FNDC3B: variants seen among roughly 807,000 people sequenced by gnomAD.
FNDC3B encodes fibronectin type III domain-containing protein 3B.
FNDC3B carries 12 observed loss-of-function variants against 151.5 expected under a neutral mutation model. The ratio of observed to expected loss-of-function variants is 0.08; its 90% confidence interval spans 0.05 to 0.13. FNDC3B has a LOEUF of 0.13. Among genes scored for constraint, FNDC3B ranks in the 10% least tolerant of loss-of-function variants. FNDC3B has a pLI of 1.00. For synonymous variants in FNDC3B, 528 were observed against 549.0 expected (o/e 0.96, Z 0.54); for missense variants, 1,214 against 1,505.3 (o/e 0.81, Z 3.20).
rs1463342450 is a variant in FNDC3B, at chr3:172,328,773, T to C, written c.1255-179T>C. Among the ~76,000 whole-genome samples, 3 of 152,238 alleles carry C rather than the reference T, an allele frequency of 2.0e-5. No homozygotes were observed. The East Asian group carries it at 5.8e-4, about 29-fold the overall frequency. On this transcript the variant is annotated intron_variant, in intron 11 of 25. Transcript: ENST00000415807. ...CCTTTATGTTAGAGATGAGATTTCATTGTAGAATGCTTTATTTGCAACATG... is the reference window on the plus strand; with the variant it reads ...CCTTTATGTTAGAGATGAGATTTCACTGTAGAATGCTTTATTTGCAACATG...
intron 22 of FNDC3B, among the ~76,000 whole-genome samples, chr3:172,355,934 T>G (rs1734074646): frequency 6.6e-6 from 1 of 152,242 alleles, no homozygotes; most frequent in Admixed American, 6.5e-5. Context: ...TTCTCCATAC[T>G]GAGCAGTTAG....
At chr3:172,056,579 C>G (rs1477214774) in intron 1 of FNDC3B, among the ~76,000 whole-genome samples, 5 of 152,216 alleles carry the variant, frequency 3.3e-5, no homozygotes, top group Non-Finnish European at 5.9e-5. Flanking sequence ...TGCCCAGTCT[C>G]TCAGTGTCTT....
At position 172,042,669 on chromosome 3, in the gene FNDC3B, G is replaced by T. The variant is rs114601906; in HGVS notation, c.-29+2898G>T. Among the ~76,000 whole-genome samples the T allele has an allele frequency of 6.8e-4, 103 of 152,248 alleles. 1 individual carries two copies. The highest frequency in any genetic ancestry group is 2.4e-3 in the African/African-American group (98 of 41,526). On this transcript the variant is annotated intron_variant, in intron 1 of 25. Coordinates refer to ENST00000415807, the MANE Select transcript of FNDC3B (RefSeq NM_022763.4). ...AAGGGGATTGAGATTTACAGAGAGA[G>T]AGTAACTTGCATAAGATCACGTAGC...
At chr3:172,207,879 G>T (rs916637329) in intron 3 of FNDC3B, among the ~76,000 whole-genome samples, 2 of 152,148 alleles carry the variant, frequency 1.3e-5, no homozygotes, top group African/African-American at 2.4e-5. Context: ...TCCGAGAGAA[G>T]GAGGTTGCAG....
chr3:172,127,594 C>T (rs1720862126), intron 2 of FNDC3B, among the ~76,000 whole-genome samples: 1 of 152,134 alleles, frequency 6.6e-6, no homozygotes, highest in African/African-American at 2.4e-5. Flanking sequence ...ATAAAGTACC[C>T]TGCATCATGC....
At chr3:172,298,635 A>G in intron 8 of FNDC3B, 93 bp from the exon 9 acceptor site, 1 of 648,532 alleles carries the variant, frequency 1.5e-6, no homozygotes, top group Non-Finnish European at 2.7e-6. Context: ...TAGTTCATGA[A>G]TTATTGTCAG....
chr3:172,070,164 AATG>A (rs549102815), intron 1 of FNDC3B, among the ~76,000 whole-genome samples: 152 of 152,326 alleles, frequency 1.0e-3, no homozygotes, highest in African/African-American at 3.6e-3. Flanking sequence ...GCACTTTTGA[AATG>A]ATATGAACGT....
chr3:172,269,184 A>G (rs1194557387), intron 6 of FNDC3B, among the ~76,000 whole-genome samples: 1 of 152,250 alleles, frequency 6.6e-6, no homozygotes, highest in Non-Finnish European at 1.5e-5. Flanking sequence ...ACTTCAGACT[A>G]CAAAGAAATG....
chr3:172,311,252 G>C (rs796519787), intron 11 of FNDC3B, among the ~76,000 whole-genome samples: 1 of 152,198 alleles, frequency 6.6e-6, no homozygotes, highest in African/African-American at 2.4e-5. Flanking sequence ...CGCTTGGAAA[G>C]CATAATTTGC....
At chr3:172,184,263 C>T (rs1308156120) in intron 3 of FNDC3B, 1 of 152,278 alleles carries the variant, frequency 6.6e-6, no homozygotes, top group South Asian at 2.1e-4. Context: ...AATGAGCACT[C>T]ACCATGCCAG....
chr3:172,083,288 C>T (rs1718373679), intron 1 of FNDC3B, among the ~76,000 whole-genome samples: 1 of 152,338 alleles, frequency 6.6e-6, no homozygotes, highest in South Asian at 2.1e-4. Context: ...TATGTTGGTT[C>T]GTCCTTGCCT....
chr3:172,261,717 A>G (rs1472584806), intron 6 of FNDC3B, among the ~76,000 whole-genome samples: 4 of 152,228 alleles, frequency 2.6e-5, no homozygotes, highest in East Asian at 1.9e-4. Context: ...GGGTTTTGCC[A>G]TTACTGTTGT....
chr3:172,259,329 T>C (rs553401972), intron 6 of FNDC3B, among the ~76,000 whole-genome samples: 1 of 152,308 alleles, frequency 6.6e-6, no homozygotes, highest in East Asian at 1.9e-4. Context: ...AACTGGACAA[T>C]TAACATCGCC....
intron 6 of FNDC3B, among the ~76,000 whole-genome samples, chr3:172,280,910 A>G (rs1026514408): frequency 1.9e-4 from 29 of 149,724 alleles, no homozygotes; most frequent in African/African-American, 6.7e-4. Flanking sequence ...TTTTTTGAAA[A>G]AAACTATTTG....
intron 1 of FNDC3B, among the ~76,000 whole-genome samples, chr3:172,085,185 AAAGC>A (rs1490481725): frequency 5.9e-5 from 9 of 152,206 alleles, no homozygotes; most frequent in Admixed American, 3.3e-4. Flanking sequence ...TTGAATTTGT[AAAGC>A]TGGGCTTCAG....
chr3:172,342,346 G>C (rs2108308074), intron 17 of FNDC3B, among the ~76,000 whole-genome samples: 1 of 152,318 alleles, frequency 6.6e-6, no homozygotes, highest in Middle Eastern at 3.4e-3. Flanking sequence ...CACTACACAA[G>C]GTGGCACTGA....
At chr3:172,228,241 C>A (rs996889641) in intron 4 of FNDC3B, among the ~76,000 whole-genome samples, 1 of 151,976 alleles carries the variant, frequency 6.6e-6, no homozygotes, top group African/African-American at 2.4e-5. Flanking sequence ...GCAGGGACAC[C>A]AGATGATGGA....
chr3:172,307,603 G>A (rs1731263273), intron 10 of FNDC3B, 102 bp downstream of exon 10: 2 of 1,190,074 alleles, frequency 1.7e-6, no homozygotes, highest in Non-Finnish European at 2.4e-6. Flanking sequence ...TGAGGAGGGG[G>A]GATCACTTGA....
chr3:172,195,600 G>T (rs2108680263), intron 3 of FNDC3B, among the ~76,000 whole-genome samples: 1 of 152,284 alleles, frequency 6.6e-6, no homozygotes, highest in African/African-American at 2.4e-5. Flanking sequence ...TTATCTCTAT[G>T]CCTGGAGGTG....
Sources: gnomAD v4.1 joint callset for allele counts (sites outside exome capture counted in the v4.1 genomes callset) on GRCh38, gnomAD v4.1.1 for gene constraint, MANE v1.5 for transcripts, NCBI Gene and HGNC (gene_info 2026-07-23, HGNC 2026-07-21) for gene names.